RAD51B: variants seen among roughly 807,000 people sequenced by gnomAD.
RAD51B encodes DNA repair protein RAD51 homolog 2.
Under a neutral mutation model 42.2 loss-of-function variants are expected in RAD51B, and 38 were observed. That is an observed-to-expected ratio of 0.90 (90% CI 0.70 to 1.18). RAD51B has a LOEUF of 1.18. Ranked by LOEUF, RAD51B falls within the 50% of genes most tolerant of loss-of-function variation. The probability of loss-of-function intolerance (pLI) is 0.00; values close to 1 mark genes in which losing one functional copy is unlikely to be tolerated. For synonymous variants in RAD51B, 154 were observed against 145.2 expected, an observed-to-expected ratio of 1.06 and a Z score of -0.43; for missense variants, 373 against 400.7, an observed-to-expected ratio of 0.93 and a Z score of 0.59.
intron 10 of RAD51B, among the ~76,000 whole-genome samples, chr14:68,526,892 G>C (rs1258751750): frequency 6.6e-6 from 1 of 152,214 alleles, no homozygotes; most frequent in Non-Finnish European, 1.5e-5. Flanking sequence ...GACACTGCTT[G>C]CTTTGGACAG....
intron 7 of RAD51B, among the ~76,000 whole-genome samples, chr14:68,271,846 C>G (rs2081110383): frequency 6.6e-6 from 1 of 152,186 alleles, no homozygotes; most frequent in Non-Finnish European, 1.5e-5. Flanking sequence ...ATAGTAATTG[C>G]TCAATAAATG....
intron 9 of RAD51B, among the ~76,000 whole-genome samples, chr14:68,439,643 G>C (rs1232369834): frequency 1.3e-5 from 2 of 152,184 alleles, no homozygotes; most frequent in African/African-American, 4.8e-5. Flanking sequence ...TCCTGGCCTG[G>C]ACTGTCTTGA....
At chr14:68,135,227 T>A (rs909484706) in intron 7 of RAD51B, among the ~76,000 whole-genome samples, 11 of 152,296 alleles carry the variant, frequency 7.2e-5, no homozygotes, top group African/African-American at 2.2e-4. Context: ...TCTGAGGTAG[T>A]TTCATTTTGA....
At chr14:68,407,299 AAGT>A (rs1314949984) in intron 8 of RAD51B, among the ~76,000 whole-genome samples, 1 of 152,236 alleles carries the variant, frequency 6.6e-6, no homozygotes, top group Non-Finnish European at 1.5e-5. Flanking sequence ...TGGTTATTAT[AAGT>A]AGAATAGACT....
intron 7 of RAD51B, chr14:67,887,627 AG>A (rs1412955189): frequency 1.3e-5 from 2 of 158,318 alleles, no homozygotes; most frequent in African/African-American, 4.8e-5. Context: ...TAAGTATTTT[AG>A]GTTTAGATAC....
chr14:68,366,292 G>A (rs1419387717), intron 8 of RAD51B, among the ~76,000 whole-genome samples: 3 of 152,258 alleles, frequency 2.0e-5, no homozygotes, highest in South Asian at 4.1e-4. Flanking sequence ...TGTCTGTGAC[G>A]GTGATAAGAC....
intron 7 of RAD51B, among the ~76,000 whole-genome samples, chr14:68,217,522 T>A (rs2079840789): frequency 1.3e-5 from 2 of 152,188 alleles, no homozygotes; most frequent in African/African-American, 4.8e-5. Flanking sequence ...TCAGACTGAC[T>A]GAGAGTTGAG....
At chr14:68,037,785 A>G (rs2076157425) in intron 7 of RAD51B, among the ~76,000 whole-genome samples, 1 of 152,178 alleles carries the variant, frequency 6.6e-6, no homozygotes, top group South Asian at 2.1e-4. Context: ...ATAACACTTG[A>G]CAGTTGTAAA....
At chr14:67,849,575 A>C (rs2041736082) in intron 4 of RAD51B, among the ~76,000 whole-genome samples, 1 of 152,060 alleles carries the variant, frequency 6.6e-6, no homozygotes, top group Non-Finnish European at 1.5e-5. Context: ...GAGCCACTGC[A>C]CCTGGCCTAA....
chr14:68,533,683 GATAA>G (rs1887447717), intron 10 of RAD51B, among the ~76,000 whole-genome samples: 1 of 151,432 alleles, frequency 6.6e-6, no homozygotes, highest in Non-Finnish European at 1.5e-5. Flanking sequence ...GGGGAGAAGA[GATAA>G]ATAGTGACCT....
chr14:68,322,270 A>G (rs1011181034), intron 8 of RAD51B, among the ~76,000 whole-genome samples: 3 of 152,226 alleles, frequency 2.0e-5, no homozygotes, highest in African/African-American at 7.2e-5. Flanking sequence ...GAAGGCCTAT[A>G]AGAGAGCATA....
intron 7 of RAD51B, among the ~76,000 whole-genome samples, chr14:68,104,609 A>G (rs2077345330): frequency 6.6e-6 from 1 of 152,186 alleles, no homozygotes; most frequent in African/African-American, 2.4e-5. Context: ...TCATCACTGC[A>G]GGAGTCTCTC....
At chr14:68,168,621 A>G (rs1485130430) in intron 7 of RAD51B, among the ~76,000 whole-genome samples, 2 of 152,160 alleles carry the variant, frequency 1.3e-5, no homozygotes, top group Admixed American at 6.6e-5. Context: ...CTGGTGTTGC[A>G]TGCCTTTCAC....
intron 7 of RAD51B, chr14:68,129,924 G>C (rs1291918024): frequency 6.6e-6 from 1 of 152,176 alleles, no homozygotes; most frequent in Non-Finnish European, 1.5e-5. Context: ...GTTTTCTACT[G>C]CGGTGTAACC....
intron 7 of RAD51B, among the ~76,000 whole-genome samples, chr14:68,081,905 AT>A (rs370199018): frequency 0.024 from 3,637 of 151,634 alleles, 78 homozygotes; most frequent in African/African-American, 0.056. Context: ...ATAAATACTT[AT>A]TTTTTTTTCC....
chr14:68,036,320 A>T (rs2076121724), intron 7 of RAD51B, among the ~76,000 whole-genome samples: 1 of 152,200 alleles, frequency 6.6e-6, no homozygotes, highest in Non-Finnish European at 1.5e-5. Flanking sequence ...ACATCTCCTA[A>T]TTCTGGCCCT....
chr14:68,563,187 G>A, intron 10 of RAD51B: 1 of 985,444 alleles, frequency 1.0e-6, no homozygotes, highest in South Asian at 4.7e-5. Flanking sequence ...GGTCTGCCAA[G>A]CCCAAGGCTG....
rs183362033 is a variant in RAD51B at position 68,515,637 on chromosome 14, G to A, written c.1036+47387G>A. ...CTTTTTTTTTTTTCTTTTAGAGATG[G>A]GGTCTCGCTATGTTGCCCAGGCTTG... On this transcript the variant is annotated intron_variant, in intron 10 of 10. Transcript: ENST00000487270. 3.3e-3 allele frequency among the ~76,000 whole-genome samples: 498 copies of A among 150,940 alleles called. 6 individuals are homozygous for A. The highest frequency in any genetic ancestry group is 0.011 in the African/African-American group (471 of 41,202).
chr14:68,242,770 A>G (rs1031954458), intron 7 of RAD51B, among the ~76,000 whole-genome samples: 14 of 152,224 alleles, frequency 9.2e-5, no homozygotes, highest in African/African-American at 3.4e-4. Context: ...TGAGGAAGAT[A>G]TTATTATTAT....
Sources: gnomAD v4.1 joint callset for allele counts (sites outside exome capture counted in the v4.1 genomes callset) on GRCh38, gnomAD v4.1.1 for gene constraint, MANE v1.5 for transcripts, NCBI Gene and HGNC (gene_info 2026-07-23, HGNC 2026-07-21) for gene names.